ESRRB: variants seen among roughly 807,000 people sequenced by gnomAD.
ESRRB encodes the protein estrogen related receptor beta.
In ESRRB, 16 loss-of-function variants were observed where a neutral mutation model predicts 46.0. That is an observed-to-expected ratio of 0.35 (90% CI 0.24 to 0.53). The LOEUF (loss-of-function observed/expected upper bound fraction) is 0.53. ESRRB is among the 20% of genes least tolerant of loss of function. The pLI is 0.93. For missense variants in ESRRB, 488 were observed against 607.4 expected (o/e 0.80, Z 2.07); for synonymous variants, 246 against 259.6 (o/e 0.95, Z 0.50).
chr14:76,362,714 G>A (rs1034843808), intron 1 of ESRRB, among the ~76,000 whole-genome samples: 4 of 152,110 alleles, frequency 2.6e-5, no homozygotes, highest in African/African-American at 4.8e-5. Flanking sequence ...CATTTCCAAC[G>A]CATGCTCCGG....
chr14:76,499,710 C>T lies in ESRRB; in HGVS notation c.*1252C>T, dbSNP rs1217488939. ...AGTCCCCCTGGCTGTGCCAGGTAAC[C>T]AACCGTCTTGGTTTGTCCAGGACGT... On this transcript the variant is annotated 3_prime_UTR_variant, in exon 7 of 7. Coordinates refer to ENST00000644823, the MANE Select transcript of ESRRB (RefSeq NM_001379180.1). The T allele has an allele frequency of 4.1e-6, 3 of 734,708 alleles. No individual in the cohort carries two copies. Among genetic ancestry groups the T allele is most frequent in the Non-Finnish European group, 7.3e-6 (3 of 411,666 alleles). The allele number at this position is 734,708 out of a possible 1,614,324, so 45.5% of individuals were successfully genotyped here. A position where few individuals can be genotyped will look rare whatever the true frequency, so the allele number is the denominator to read the frequency against.
chr14:76,429,413 C>T (rs1053395051), intron 1 of ESRRB, among the ~76,000 whole-genome samples: 2 of 152,150 alleles, frequency 1.3e-5, no homozygotes, highest in African/African-American at 4.8e-5. Context: ...ACCCAAGATT[C>T]AATCACACAG....
intron 1 of ESRRB, among the ~76,000 whole-genome samples, chr14:76,381,217 T>C (rs1255841099): frequency 6.6e-6 from 1 of 152,000 alleles, no homozygotes; most frequent in Non-Finnish European, 1.5e-5. Flanking sequence ...GAGGTTGTGG[T>C]GTTTATAATT....
At chr14:76,430,598 T>A (rs560120718) in intron 1 of ESRRB, among the ~76,000 whole-genome samples, 9 of 152,240 alleles carry the variant, frequency 5.9e-5, no homozygotes, top group Non-Finnish European at 1.2e-4. Flanking sequence ...TGCGCTGTTC[T>A]AAGCATTGTG....
chr14:76,411,967 A>G (rs1236566802), intron 1 of ESRRB, among the ~76,000 whole-genome samples: 1 of 152,218 alleles, frequency 6.6e-6, no homozygotes, highest in Non-Finnish European at 1.5e-5. Flanking sequence ...TATACAAAAG[A>G]TGCTCAATAA....
chr14:76,323,084 A>G (rs1003204983), intron 1 of ESRRB, among the ~76,000 whole-genome samples: 5 of 152,022 alleles, frequency 3.3e-5, no homozygotes, highest in Non-Finnish European at 7.4e-5. Context: ...GGGGGATGCT[A>G]GCATATGTTT....
chr14:76,423,866 G>A (rs1255677306), intron 1 of ESRRB, among the ~76,000 whole-genome samples: 1 of 151,948 alleles, frequency 6.6e-6, no homozygotes, highest in East Asian at 1.9e-4. Context: ...CAGGAGGCCA[G>A]TGTGGCTGGG....
Position 76,497,734 on chromosome 14 carries a change from G to A in ESRRB, c.1121-480G>A, listed in dbSNP as rs1012624791. On this transcript the variant is annotated intron_variant, in intron 6 of 6. Coordinates refer to ENST00000644823, the MANE Select transcript of ESRRB (RefSeq NM_001379180.1). The stretch of plus-strand genomic sequence containing the variant: ...TGCAGTGGTTGTCATGGTGATAGTA[G>A]TGATGGGGCTAGGGGCGGTGGTAGG... Among the ~76,000 whole-genome samples the A allele has an allele frequency of 2.8e-4, 42 of 152,218 alleles. 1 individual carries two copies. Among genetic ancestry groups the A allele is most frequent in the Non-Finnish European group, 1.0e-4 (7 of 68,032 alleles).
At chr14:76,484,842 C>T (rs1016045228) in intron 5 of ESRRB, among the ~76,000 whole-genome samples, 11 of 152,190 alleles carry the variant, frequency 7.2e-5, no homozygotes, top group African/African-American at 2.2e-4. Context: ...CTGAATTTTT[C>T]GGAGCTTCAG....
chr14:76,413,764 A>C (rs73318308), intron 1 of ESRRB, among the ~76,000 whole-genome samples: 48 of 152,058 alleles, frequency 3.2e-4, no homozygotes, highest in African/African-American at 1.1e-3. Flanking sequence ...AATAGTAACA[A>C]CTTCTCATGT....
At position 76,500,315 on chromosome 14, in the gene ESRRB, G is replaced by C. The variant is rs373154127; in HGVS notation, c.*1857G>C. On this transcript the variant is annotated 3_prime_UTR_variant, in exon 7 of 7. Transcript: ENST00000644823. Reference sequence around the variant, plus strand: ...CGGCTCCCCTTGCCTGTGGGGAATCGGGTCTGAGTCACTTGATGAGTAGGC... The same window carrying C: ...CGGCTCCCCTTGCCTGTGGGGAATCCGGTCTGAGTCACTTGATGAGTAGGC... 3.4e-6 allele frequency: 2 copies of C among 589,584 alleles called. No homozygotes were observed. Among genetic ancestry groups the C allele is most frequent in the Non-Finnish European group, 6.0e-6 (2 of 332,380 alleles). The allele number at this position is 589,584 out of a possible 1,614,324, so 36.5% of individuals were successfully genotyped here.
chr14:76,466,148 T>C (rs111764562), intron 3 of ESRRB, among the ~76,000 whole-genome samples: 42 of 152,172 alleles, frequency 2.8e-4, no homozygotes, highest in Non-Finnish European at 5.1e-4. Flanking sequence ...CTCTCCGCTT[T>C]AGGGTCCCAT....
intron 1 of ESRRB, among the ~76,000 whole-genome samples, chr14:76,386,500 A>G (rs1027713211): frequency 7.6e-6 from 1 of 130,820 alleles, no homozygotes; most frequent in Non-Finnish European, 1.5e-5. Context: ...TCTGTCACCC[A>G]GTCTGGAGTG....
intron 1 of ESRRB, among the ~76,000 whole-genome samples, chr14:76,357,003 C>A (rs1005681110): frequency 6.6e-6 from 1 of 152,200 alleles, no homozygotes; most frequent in Non-Finnish European, 1.5e-5. Flanking sequence ...CCCCTCTCCT[C>A]CACATGCACC....
chr14:76,381,214 T>G (rs1442902135), intron 1 of ESRRB, among the ~76,000 whole-genome samples: 4 of 152,066 alleles, frequency 2.6e-5, no homozygotes, highest in Non-Finnish European at 5.9e-5. Context: ...GGGGAGGTTG[T>G]GGTGTTTATA....
At chr14:76,459,762 A>T (rs913300957) in intron 2 of ESRRB, among the ~76,000 whole-genome samples, 8 of 152,194 alleles carry the variant, frequency 5.3e-5, no homozygotes, top group African/African-American at 1.9e-4. Flanking sequence ...AAAAGCAGGT[A>T]GGGGTACACA....
At position 76,376,194 on chromosome 14, in the gene ESRRB, C is replaced by T. The variant is rs1227791149; in HGVS notation, c.-208C>T. ...TCGCATCCCCTCTGCCCGCTCTCTCCGGAGCGTGCGGATGAGTGGAGAGCT... is the reference window on the plus strand; with the variant it reads ...TCGCATCCCCTCTGCCCGCTCTCTCTGGAGCGTGCGGATGAGTGGAGAGCT... On this transcript the variant is annotated 5_prime_UTR_variant, in exon 1 of 7. Transcript: ENST00000644823. The surrounding 1 kb of genome is among the most constrained non-coding windows in gnomAD (Gnocchi z 4.1). The T allele has an allele frequency of 2.5e-6, 1 of 395,182 alleles. No homozygotes were observed. Among genetic ancestry groups the T allele is most frequent in the Non-Finnish European group, 4.4e-6 (1 of 224,876 alleles). 24.5% of individuals were successfully genotyped at this position (395,182 alleles called of 1,614,324 possible).
At position 76,500,183 on chromosome 14, in the gene ESRRB, G is replaced by A. The variant is rs1890611511; in HGVS notation, c.*1725G>A. Reference sequence around the variant, plus strand: ...GTGCTGAGGTCATCCCAGACAGGAGGGAGGGCTGGCTGAAATCCACAAACT... The same window carrying A: ...GTGCTGAGGTCATCCCAGACAGGAGAGAGGGCTGGCTGAAATCCACAAACT... On this transcript the variant is annotated 3_prime_UTR_variant, in exon 7 of 7. Coordinates refer to ENST00000644823, the MANE Select transcript of ESRRB (RefSeq NM_001379180.1). 2 of 819,148 alleles carry A rather than the reference G, an allele frequency of 2.4e-6. No homozygotes were observed. Among genetic ancestry groups the A allele is most frequent in the Non-Finnish European group, 3.8e-6 (2 of 521,926 alleles). 50.7% of individuals were successfully genotyped at this position (819,148 alleles called of 1,614,324 possible). A position where few individuals can be genotyped will look rare whatever the true frequency, so the allele number is the denominator to read the frequency against.
intron 1 of ESRRB, among the ~76,000 whole-genome samples, chr14:76,413,901 T>TGCACCGTCCCCC (rs1566884784): frequency 8.1e-5 from 4 of 49,592 alleles, no homozygotes; most frequent in African/African-American, 2.5e-4. Context: ...CACCGTCCCC[T>TGCACCGTCCCCC]GCCCCTGCAC....
Sources: gnomAD v4.1 joint callset for allele counts (sites outside exome capture counted in the v4.1 genomes callset) on GRCh38, gnomAD v4.1.1 for gene constraint, Gnocchi (gnomAD v3.1) non-coding constraint, MANE v1.5 for transcripts, NCBI Gene and HGNC (gene_info 2026-07-23, HGNC 2026-07-21) for gene names.